The following PDE4D variants were observed in gnomAD, a reference collection of about 807,000 sequenced individuals.
PDE4D encodes the protein phosphodiesterase 4D.
In PDE4D, 24 loss-of-function variants were observed where a neutral mutation model predicts 87.4. The observed-to-expected ratio is 0.27, with a 90% CI of 0.20 to 0.39. PDE4D has a LOEUF of 0.39. Ranked by LOEUF, PDE4D falls within the 10% of genes least tolerant of loss-of-function variation. The pLI is 1.00. For synonymous variants in PDE4D, 384 were observed against 383.2 expected, an observed-to-expected ratio of 1.00 and a Z score of -0.02; for missense variants, 714 against 1,041.0, an observed-to-expected ratio of 0.69 and a Z score of 4.32.
chr5:60,136,126 T>G (rs1246372235), intron 2 of PDE4D, among the ~76,000 whole-genome samples: 2 of 152,164 alleles, frequency 1.3e-5, no homozygotes, highest in African/African-American at 2.4e-5. Context: ...TCAAGAAAGA[T>G]TCAATTTAGA....
intron 5 of PDE4D, among the ~76,000 whole-genome samples, chr5:59,075,123 C>CA (rs1491042580): frequency 7.1e-6 from 1 of 141,226 alleles, no homozygotes; most frequent in African/African-American, 2.7e-5. Context: ...CACACACACA[C>CA]AATTTCTTAA....
intron 1 of PDE4D, among the ~76,000 whole-genome samples, chr5:60,448,485 C>T (rs1745827815): frequency 6.6e-6 from 1 of 152,094 alleles, no homozygotes; most frequent in Admixed American, 6.5e-5. Context: ...ATAATCACAC[C>T]AGCAGGAGGT....
intron 1 of PDE4D, among the ~76,000 whole-genome samples, chr5:59,821,800 G>A (rs1159003265): frequency 1.3e-5 from 2 of 152,112 alleles, no homozygotes; most frequent in Non-Finnish European, 2.9e-5. Context: ...TCACACTGTG[G>A]CCAATTTCAA....
At chr5:60,321,893 GT>G (rs34510283) in intron 1 of PDE4D, among the ~76,000 whole-genome samples, 48,897 of 148,320 alleles carry the variant, frequency 0.33, 8,134 homozygotes, top group South Asian at 0.54. Flanking sequence ...AAAAAATACT[GT>G]TTTTTTTTTT....
At chr5:59,337,751 T>C (rs1251956290) in intron 1 of PDE4D, among the ~76,000 whole-genome samples, 4 of 152,186 alleles carry the variant, frequency 2.6e-5, no homozygotes, top group Non-Finnish European at 5.9e-5. Context: ...AGAACACAGT[T>C]CTACTAGAAC....
chr5:59,246,168 C>T (rs1200852383), intron 1 of PDE4D, among the ~76,000 whole-genome samples: 1 of 151,974 alleles, frequency 6.6e-6, no homozygotes, highest in Non-Finnish European at 1.5e-5. Flanking sequence ...CAATCCATTT[C>T]TTTTCTACAG....
intron 1 of PDE4D, among the ~76,000 whole-genome samples, chr5:59,757,274 C>T (rs1761389611): frequency 6.6e-6 from 1 of 152,158 alleles, no homozygotes; most frequent in African/African-American, 2.4e-5. Flanking sequence ...TATACATTTG[C>T]TTACGAAAAC....
chr5:59,943,212 CTT>C (rs11290989), intron 3 of PDE4D, among the ~76,000 whole-genome samples: 6 of 150,224 alleles, frequency 4.0e-5, no homozygotes, highest in Admixed American at 2.6e-4. Flanking sequence ...TATTATTATC[CTT>C]TTTTTTTTAC....
intron 1 of PDE4D, among the ~76,000 whole-genome samples, chr5:59,277,465 CTAAT>C (rs887156368): frequency 6.6e-5 from 10 of 152,054 alleles, no homozygotes; most frequent in African/African-American, 1.2e-4. Context: ...TTTTGTGAGA[CTAAT>C]TATTTTTAGG....
intron 6 of PDE4D, 88 bp from the exon 7 acceptor site, chr5:58,993,553 C>T: frequency 1.3e-6 from 1 of 789,568 alleles, no homozygotes; most frequent in East Asian, 2.9e-5. Flanking sequence ...GGAAGATATG[C>T]CCAAAGAATT....
At chr5:60,036,325 C>T (rs1285281787) in intron 2 of PDE4D, among the ~76,000 whole-genome samples, 1 of 152,156 alleles carries the variant, frequency 6.6e-6, no homozygotes, top group Non-Finnish European at 1.5e-5. Context: ...CCCACCAATC[C>T]ATTGTTCAAG....
intron 1 of PDE4D, among the ~76,000 whole-genome samples, chr5:59,458,045 C>G (rs28424104): frequency 0.038 from 5,754 of 152,260 alleles, 329 homozygotes; most frequent in East Asian, 0.13. Context: ...ACCATATTGA[C>G]TTCTGATCTG....
chr5:58,977,462 A>G (rs551473720), intron 11 of PDE4D, 117 bp from the exon 12 acceptor site: 3 of 816,730 alleles, frequency 3.7e-6, no homozygotes, highest in South Asian at 3.1e-5. Context: ...TGCCCTTATC[A>G]TTACCTGACA....
At chr5:59,287,234 A>G (rs1561886097) in intron 1 of PDE4D, among the ~76,000 whole-genome samples, 1 of 152,164 alleles carries the variant, frequency 6.6e-6, no homozygotes, top group Non-Finnish European at 1.5e-5. Context: ...AGCTGATTGA[A>G]GAGCCCCTGG....
intron 11 of PDE4D, among the ~76,000 whole-genome samples, chr5:58,984,011 A>C (rs757025427): frequency 1.3e-5 from 2 of 152,230 alleles, no homozygotes; most frequent in African/African-American, 4.8e-5. Context: ...GGCAGACACT[A>C]TAGATATGTA....
chr5:59,590,258 T>G (rs1825734040), intron 1 of PDE4D, among the ~76,000 whole-genome samples: 2 of 152,160 alleles, frequency 1.3e-5, no homozygotes, highest in African/African-American at 4.8e-5. Context: ...GAAACAACAG[T>G]TAGGCAGAAC....
intron 5 of PDE4D, among the ~76,000 whole-genome samples, chr5:59,135,607 A>G (rs1776942003): frequency 1.3e-5 from 2 of 152,200 alleles, no homozygotes; most frequent in South Asian, 4.1e-4. Flanking sequence ...TTAGCTCAGG[A>G]GGATGAACTC....
At chr5:59,497,327 A>G (rs1807405865) in intron 1 of PDE4D, among the ~76,000 whole-genome samples, 1 of 152,176 alleles carries the variant, frequency 6.6e-6, no homozygotes, top group Non-Finnish European at 1.5e-5. Context: ...GCTCCCAAGC[A>G]ATGAACCCTA....
chr5:59,817,222 G>T (rs903763410), intron 1 of PDE4D, among the ~76,000 whole-genome samples: 2 of 152,166 alleles, frequency 1.3e-5, no homozygotes, highest in Non-Finnish European at 2.9e-5. Flanking sequence ...AGATGAGATG[G>T]TTCTCCCTCT....
Sources: allele counts gnomAD v4.1 joint callset (sites outside exome capture counted in the v4.1 genomes callset), GRCh38; gene constraint gnomAD v4.1.1; transcripts MANE v1.5; gene names NCBI Gene and HGNC (gene_info 2026-07-23, HGNC 2026-07-21).